The following FLI1 variants were observed in gnomAD, a reference collection of about 807,000 sequenced individuals.
The protein encoded by FLI1 is Fli-1 proto-oncogene, ETS transcription factor.
FLI1 carries 13 observed loss-of-function variants against 53.1 expected under a neutral mutation model. The ratio of observed to expected loss-of-function variants is 0.24; its 90% CI spans 0.16 to 0.39. The LOEUF is 0.39. Ranked by LOEUF, FLI1 falls within the 10% of genes least tolerant of loss-of-function variation. The pLI is 1.00. For synonymous variants in FLI1, 244 were observed against 236.7 expected, an observed-to-expected ratio of 1.03 and a Z score of -0.28; for missense variants, 424 against 600.5, an observed-to-expected ratio of 0.71 and a Z score of 3.07.
Position 128,781,944 on chromosome 11 carries a change from G to C in FLI1, c.590-14G>C, listed in dbSNP as rs1191691079. 2.5e-6 allele frequency: 4 copies of C among 1,610,284 alleles called. No individual in the cohort carries two copies. The highest frequency in any genetic ancestry group is 3.4e-6 in the Non-Finnish European group (4 of 1,176,676). On this transcript the variant is annotated splice_polypyrimidine_tract_variant and intron_variant, in intron 4 of 8. Transcript: ENST00000527786. ...AACATTTTGGTTATAACCTGTTTAT[G>C]TTTTGCCTCTCAGGTTCACTGCTGG...
intron 2 of FLI1, among the ~76,000 whole-genome samples, chr11:128,762,032 G>A (rs1038318288): frequency 3.3e-5 from 5 of 152,140 alleles, no homozygotes; most frequent in African/African-American, 1.2e-4. Flanking sequence ...TTCCCTAAGG[G>A]CTCACATGTA....
At chr11:128,741,469 C>T (rs532047277) in intron 1 of FLI1, among the ~76,000 whole-genome samples, 90 of 152,368 alleles carry the variant, frequency 5.9e-4, no homozygotes, top group Admixed American at 2.5e-3. Flanking sequence ...AGCCCCCAGC[C>T]AGTCCGGATG....
At chr11:128,751,527 T>C (rs1052282770) in intron 1 of FLI1, among the ~76,000 whole-genome samples, 7 of 151,776 alleles carry the variant, frequency 4.6e-5, no homozygotes. Context: ...TTTTTTATTT[T>C]TATTTATTTA....
chr11:128,808,486 T>G (rs1942848436), intron 7 of FLI1, among the ~76,000 whole-genome samples: 1 of 152,184 alleles, frequency 6.6e-6, no homozygotes, highest in Non-Finnish European at 1.5e-5. Flanking sequence ...ATTTTAAGAA[T>G]AGTCATTTTA....
intron 1 of FLI1, among the ~76,000 whole-genome samples, chr11:128,725,508 C>T (rs183728568): frequency 3.8e-4 from 58 of 152,324 alleles, no homozygotes; most frequent in Non-Finnish European, 6.6e-4. Flanking sequence ...CAAGTGCCCG[C>T]AAATGCCCAC....
chr11:128,749,635 T>C (rs1940557340), intron 1 of FLI1, among the ~76,000 whole-genome samples: 2 of 152,252 alleles, frequency 1.3e-5, no homozygotes, highest in Admixed American at 6.5e-5. Flanking sequence ...CTCTGCCTTT[T>C]GATGGGAAGA....
At chr11:128,805,329 C>T (rs757332845) in intron 5 of FLI1, 37 bp from the exon 6 acceptor site, 19 of 1,288,528 alleles carry the variant, frequency 1.5e-5, no homozygotes, top group South Asian at 2.6e-5. Flanking sequence ...GAGAAGCAGG[C>T]GATGCTAATG....
intron 4 of FLI1, among the ~76,000 whole-genome samples, chr11:128,779,785 G>A (rs778292647): frequency 1.4e-4 from 21 of 152,262 alleles, no homozygotes; most frequent in East Asian, 1.9e-4. Flanking sequence ...ACATACAGTC[G>A]TGCTTTGCTT....
At chr11:128,716,981 C>T (rs950386552) in intron 1 of FLI1, among the ~76,000 whole-genome samples, 1 of 152,136 alleles carries the variant, frequency 6.6e-6, no homozygotes, top group Non-Finnish European at 1.5e-5. Flanking sequence ...AGGACAGCTT[C>T]AGAAAGCAGC....
chr11:128,800,101 G>A (rs900701383), intron 5 of FLI1, among the ~76,000 whole-genome samples: 2 of 152,106 alleles, frequency 1.3e-5, no homozygotes, highest in African/African-American at 4.8e-5. Flanking sequence ...CCATTGATTT[G>A]AGCATTTCTC....
intron 4 of FLI1, among the ~76,000 whole-genome samples, chr11:128,779,700 G>A (rs2135859357): frequency 6.6e-6 from 1 of 152,284 alleles, no homozygotes; most frequent in East Asian, 1.9e-4. Flanking sequence ...AAGAGATGAG[G>A]GAAATCAGTG....
intron 1 of FLI1, among the ~76,000 whole-genome samples, chr11:128,698,022 C>T (rs1591729417): frequency 1.2e-5 from 1 of 80,674 alleles, no homozygotes; most frequent in East Asian, 3.3e-4. Flanking sequence ...GAGGCACTCT[C>T]TCGTCATTAA....
At chr11:128,773,763 G>A (rs1014965975) in intron 4 of FLI1, among the ~76,000 whole-genome samples, 21 of 151,772 alleles carry the variant, frequency 1.4e-4, no homozygotes, top group African/African-American at 4.8e-4. Flanking sequence ...TGGGAATCCA[G>A]GCCAGGTGGT....
At chr11:128,690,805 G>A (rs574993178), upstream of FLI1, among the ~76,000 whole-genome samples, 8 of 152,318 alleles carry the variant, frequency 5.3e-5, no homozygotes, top group South Asian at 8.3e-4. Context: ...ACTGGGAAGA[G>A]CTTCCTTGGC....
At chr11:128,739,046 C>A (rs1259508533) in intron 1 of FLI1, among the ~76,000 whole-genome samples, 1 of 152,238 alleles carries the variant, frequency 6.6e-6, no homozygotes, top group African/African-American at 2.4e-5. Context: ...CTCAAAAGAT[C>A]ATGTTTGCTG....
At chr11:128,755,769 G>A (rs1487896305) in intron 1 of FLI1, among the ~76,000 whole-genome samples, 1 of 152,184 alleles carries the variant, frequency 6.6e-6, no homozygotes, top group Admixed American at 6.5e-5. Flanking sequence ...CCTCGGTTGG[G>A]GGATGTAAGT....
At chr11:128,722,586 T>C (rs1364389858) in intron 1 of FLI1, among the ~76,000 whole-genome samples, 1 of 152,176 alleles carries the variant, frequency 6.6e-6, no homozygotes, top group Non-Finnish European at 1.5e-5. Context: ...ACCAAGAGAT[T>C]TGCGTGACCT....
chr11:128,718,092 A>T (rs1216971820), intron 1 of FLI1, among the ~76,000 whole-genome samples: 1 of 152,230 alleles, frequency 6.6e-6, no homozygotes, highest in Admixed American at 6.5e-5. Context: ...ATGGGACCCA[A>T]ATTAAATACA....
intron 1 of FLI1, among the ~76,000 whole-genome samples, chr11:128,755,121 C>T (rs641755): frequency 0.78 from 117,880 of 152,068 alleles, 46,032 homozygotes; most frequent in East Asian, 0.96. Context: ...GTCCCCTTGG[C>T]CAGGACAATC....
Sources: gnomAD v4.1 joint callset for allele counts (sites outside exome capture counted in the v4.1 genomes callset) on GRCh38, gnomAD v4.1.1 for gene constraint, MANE v1.5 for transcripts, NCBI Gene and HGNC (gene_info 2026-07-23, HGNC 2026-07-21) for gene names.